Variants in SNX8 observed in about 807,000 individuals in gnomAD.
SNX8 encodes sorting nexin-8.
In SNX8, 25 loss-of-function variants were observed where a neutral mutation model predicts 51.6. The ratio of observed to expected loss-of-function variants is 0.48; its 90% CI spans 0.35 to 0.68. SNX8 has a LOEUF of 0.68. Among genes scored for constraint, SNX8 ranks in the 30% least tolerant of loss-of-function variants. The pLI, the probability that SNX8 is intolerant of heterozygous loss-of-function variation, is 0.00. For synonymous variants in SNX8, 324 were observed against 277.0 expected (o/e 1.17, Z -1.68); for missense variants, 695 against 624.0 (o/e 1.11, Z -1.21).
intron 1 of SNX8, among the ~76,000 whole-genome samples, chr7:2,341,005 A>G (rs1778913885): frequency 6.6e-6 from 1 of 151,494 alleles, no homozygotes; most frequent in Non-Finnish European, 1.5e-5. Context: ...GCAACATAGC[A>G]AGATGCTGTC....
chr7:2,318,027 T>A (rs768650273), upstream of SNX8, among the ~76,000 whole-genome samples: 18 of 152,106 alleles, frequency 1.2e-4, no homozygotes, highest in Admixed American at 1.3e-4. Flanking sequence ...CACGCACACA[T>A]ATATACTCTG....
In SNX8 at chr7:2,348,637, G is replaced by A. The variant is rs1461753820; in HGVS notation, c.-66+5585C>T. 6.1e-5 allele frequency among the ~76,000 whole-genome samples: 9 copies of A among 146,352 alleles called. No individual in the cohort carries two copies. The East Asian group carries it at 7.0e-4, about 11-fold the overall frequency. On this transcript the variant is annotated intron_variant, in intron 1 of 5. Transcript: ENST00000435336. ...ATTACAGGCGTGAGCCACCGTGCCC[G>A]GCCCAGTATCTTTTTCAGGGTTACC...
intron 7 of SNX8, among the ~76,000 whole-genome samples, chr7:2,260,288 G>A (rs1376106215): frequency 6.6e-6 from 1 of 152,094 alleles, no homozygotes; most frequent in Non-Finnish European, 1.5e-5. Flanking sequence ...AGTAGAGATG[G>A]GGTTTCACCA....
intron 1 of SNX8, among the ~76,000 whole-genome samples, chr7:2,299,600 C>T (rs1013894328): frequency 6.6e-6 from 1 of 152,190 alleles, no homozygotes; most frequent in Non-Finnish European, 1.5e-5. Flanking sequence ...GAATAACCTA[C>T]CAAGTAGGAG....
At chr7:2,286,177 A>G (rs188830172) in intron 1 of SNX8, among the ~76,000 whole-genome samples, 54 of 150,232 alleles carry the variant, frequency 3.6e-4, no homozygotes, top group African/African-American at 1.3e-3. Context: ...ACACCTGACT[A>G]ATTTTTGTAT....
chr7:2,302,277 A>AT (rs544218998), intron 1 of SNX8, among the ~76,000 whole-genome samples: 128 of 151,898 alleles, frequency 8.4e-4, no homozygotes, highest in African/African-American at 2.9e-3. Context: ...TGGTTTTCGT[A>AT]TTTTTTTGGT....
At chr7:2,346,571 C>T (rs562564482) in intron 1 of SNX8, among the ~76,000 whole-genome samples, 12 of 151,482 alleles carry the variant, frequency 7.9e-5, no homozygotes, top group African/African-American at 2.4e-4. Flanking sequence ...CACAGTGAAA[C>T]CCCGTCTCTA....
intron 4 of SNX8, among the ~76,000 whole-genome samples, chr7:2,270,450 G>C (rs1795617875): frequency 6.6e-6 from 1 of 151,256 alleles, no homozygotes; most frequent in African/African-American, 2.4e-5. Flanking sequence ...AACATAGTGA[G>C]ACCCCATCTC....
At chr7:2,336,857 A>T (rs1311658573) in intron 1 of SNX8, among the ~76,000 whole-genome samples, 1 of 150,744 alleles carries the variant, frequency 6.6e-6, no homozygotes, top group Non-Finnish European at 1.5e-5. Flanking sequence ...AAAAACAAAA[A>T]AATGAGCTGG....
At chr7:2,270,406 C>T (rs1273080644) in intron 4 of SNX8, among the ~76,000 whole-genome samples, 1 of 145,292 alleles carries the variant, frequency 6.9e-6, no homozygotes, top group Non-Finnish European at 1.5e-5. Context: ...GCGGGAGGAT[C>T]GCTGGAGCCC....
intron 1 of SNX8, among the ~76,000 whole-genome samples, chr7:2,309,449 C>T (rs1480354711): frequency 6.6e-6 from 1 of 151,964 alleles, no homozygotes; most frequent in African/African-American, 2.4e-5. Flanking sequence ...TCACCAGAAC[C>T]AGCCGGGCGC....
At position 2,346,575 on chromosome 7, in the gene SNX8, G is replaced by A. The variant is rs573445155; in HGVS notation, c.-66+7647C>T. Among the ~76,000 whole-genome samples, 359 of 151,386 alleles carry A rather than the reference G, an allele frequency of 2.4e-3. 2 individuals are homozygous for A. Among genetic ancestry groups the A allele is most frequent in the Middle Eastern group, 0.01 (3 of 294 alleles). On this transcript the variant is annotated intron_variant, in intron 1 of 5. Transcript: ENST00000435336. ...ATCCTGGCTAACACAGTGAAACCCC[G>A]TCTCTACTAAAATACAAAAAATTAG... is the stretch of plus-strand genomic sequence containing the variant.
intron 1 of SNX8, among the ~76,000 whole-genome samples, chr7:2,348,229 A>G (rs1340513186): frequency 6.6e-6 from 1 of 151,640 alleles, no homozygotes; most frequent in Non-Finnish European, 1.5e-5. Flanking sequence ...AGTTCCTGAC[A>G]CCTAAATGGG....
At chr7:2,350,392 C>T (rs1257473890) in intron 1 of SNX8, among the ~76,000 whole-genome samples, 1 of 152,160 alleles carries the variant, frequency 6.6e-6, no homozygotes, top group Non-Finnish European at 1.5e-5. Flanking sequence ...AGTTATGAAC[C>T]AATGTTAATA....
At chr7:2,294,398 G>C (rs1253778020) in intron 1 of SNX8, among the ~76,000 whole-genome samples, 1 of 152,200 alleles carries the variant, frequency 6.6e-6, no homozygotes, top group African/African-American at 2.4e-5. Flanking sequence ...TTGGAGATTG[G>C]AGCCCTCATA....
intron 1 of SNX8, among the ~76,000 whole-genome samples, chr7:2,326,826 C>A (rs1778630083): frequency 6.6e-6 from 1 of 152,036 alleles, no homozygotes; most frequent in African/African-American, 2.4e-5. Flanking sequence ...TCGCCAGGGG[C>A]TGGGCACAGT....
chr7:2,350,186 C>A (rs1396275457), intron 1 of SNX8, among the ~76,000 whole-genome samples: 1 of 152,160 alleles, frequency 6.6e-6, no homozygotes, highest in Non-Finnish European at 1.5e-5. Flanking sequence ...AATAAAGGCA[C>A]AGCTTTCCTA....
intron 8 of SNX8, 41 bp downstream of exon 8, chr7:2,257,694 C>T (rs1190880437): frequency 2.5e-6 from 4 of 1,602,324 alleles, no homozygotes; most frequent in Admixed American, 1.7e-5. Flanking sequence ...AAGATCATTC[C>T]TGAAAGTTCT....
At chr7:2,306,955 C>G (rs192183547) in intron 1 of SNX8, among the ~76,000 whole-genome samples, 1 of 147,582 alleles carries the variant, frequency 6.8e-6, no homozygotes, top group African/African-American at 2.4e-5. Flanking sequence ...GTTTCTCCGG[C>G]CCCTACAGTA....
Sources: allele counts gnomAD v4.1 joint callset (sites outside exome capture counted in the v4.1 genomes callset), GRCh38; gene constraint gnomAD v4.1.1; transcripts MANE v1.5; gene names NCBI Gene and HGNC (gene_info 2026-07-23, HGNC 2026-07-21).